The following BLTP1 variants were observed in gnomAD, a reference collection of about 807,000 sequenced individuals.
BLTP1 encodes the protein fragile site-associated protein.
the BLTP1 span, chr4:122,308,129 G>A: frequency 6.2e-7 from 1 of 1,613,282 alleles, no homozygotes. Flanking sequence ...AATGATCTGG[G>A]AATTTGCCTA....
the BLTP1 span, chr4:122,292,455 A>G: frequency 0.015 from 12,324 of 838,388 alleles, 124 homozygotes; most frequent in Non-Finnish European, 0.016. Context: ...TAAAAATCTA[A>G]GATTATTTCA....
chr4:122,191,204 A>T, the BLTP1 span, among the ~76,000 whole-genome samples: 1 of 152,156 alleles, frequency 6.6e-6, no homozygotes, highest in Non-Finnish European at 1.5e-5. Flanking sequence ...TGTGCTGCAT[A>T]CCAAAATATT....
At chr4:122,266,988 G>C in the BLTP1 span, 10 of 1,190,590 alleles carry the variant, frequency 8.4e-6, no homozygotes, top group Non-Finnish European at 5.8e-6. Flanking sequence ...GTATAATTTT[G>C]TGCAAGAATT....
At chr4:122,315,563 G>A in the BLTP1 span, 1 of 1,613,930 alleles carries the variant, frequency 6.2e-7, no homozygotes, top group Non-Finnish European at 8.5e-7. Flanking sequence ...TAATGCTCTG[G>A]GCAATACTCT....
the BLTP1 span, among the ~76,000 whole-genome samples, chr4:122,339,798 GTTACC>G: frequency 6.6e-6 from 1 of 152,126 alleles, no homozygotes; most frequent in Non-Finnish European, 1.5e-5. Flanking sequence ...GAAACATAGT[GTTACC>G]TTACAGGGAT....
chr4:122,302,869 A>G, the BLTP1 span, among the ~76,000 whole-genome samples: 126 of 152,326 alleles, frequency 8.3e-4, no homozygotes, highest in African/African-American at 2.8e-3. Context: ...CTTCAATTCT[A>G]TGAAGGCTGG....
At chr4:122,247,965 T>C in the BLTP1 span, 4 of 985,144 alleles carry the variant, frequency 4.1e-6, no homozygotes, top group Non-Finnish European at 4.8e-6. Flanking sequence ...GTATTTGAGA[T>C]GATTGCTCTG....
the BLTP1 span, chr4:122,197,154 ATAAT>A: frequency 1.2e-6 from 1 of 859,844 alleles, no homozygotes; most frequent in African/African-American, 1.8e-5. Flanking sequence ...GAGAATAATT[ATAAT>A]TAATGTTTTA....
chr4:122,254,547 T>G, the BLTP1 span: 2 of 940,414 alleles, frequency 2.1e-6, no homozygotes, highest in African/African-American at 1.8e-5. Context: ...AGTACTTTAG[T>G]TTTATTTTTA....
chr4:122,324,476 G>A, the BLTP1 span: 1 of 1,611,060 alleles, frequency 6.2e-7, no homozygotes, highest in South Asian at 1.1e-5. Context: ...CCAAGTTACA[G>A]CCGATCAAAA....
the BLTP1 span, chr4:122,189,372 G>A: frequency 3.1e-6 from 3 of 982,828 alleles, no homozygotes; most frequent in Non-Finnish European, 3.6e-6. Context: ...ATGGTTTCTG[G>A]GAAATTATTG....
chr4:122,182,893 T>C, the BLTP1 span: 2 of 985,034 alleles, frequency 2.0e-6, no homozygotes, highest in African/African-American at 1.7e-5. Flanking sequence ...TAAATACCTG[T>C]TAAAGATTTT....
At chr4:122,185,286 C>T in the BLTP1 span, 1 of 980,542 alleles carries the variant, frequency 1.0e-6, no homozygotes, top group East Asian at 1.1e-4. Flanking sequence ...TGAATTTGTT[C>T]AATAGAGATA....
the BLTP1 span, chr4:122,277,169 T>A: frequency 1.3e-6 from 1 of 751,456 alleles, no homozygotes; most frequent in Admixed American, 6.3e-5. Context: ...AGACCCTGTC[T>A]CTACAAAAAA....
chr4:122,269,209 A>G, the BLTP1 span: 5 of 364,124 alleles, frequency 1.4e-5, no homozygotes, highest in Non-Finnish European at 1.9e-5. Flanking sequence ...ATGTTTTCAT[A>G]TATATAACTA....
chr4:122,152,532 C>T, the BLTP1 span: 1 of 985,906 alleles, frequency 1.0e-6, no homozygotes, highest in African/African-American at 1.7e-5. Context: ...AGGCCCTCGG[C>T]GTTCCCCGGA....
chr4:122,153,186 C>A, the BLTP1 span: 1 of 206,228 alleles, frequency 4.8e-6, no homozygotes, highest in Non-Finnish European at 7.5e-6. Context: ...TTTTACCTTC[C>A]TGTTGGCCTT....
At chr4:122,247,250 C>A in the BLTP1 span, 1 of 1,613,426 alleles carries the variant, frequency 6.2e-7, no homozygotes, top group Non-Finnish European at 8.5e-7. Flanking sequence ...CAGCCTCAGT[C>A]ATCTGGATCT....
the BLTP1 span, chr4:122,206,137 A>G: frequency 2.3e-6 from 2 of 875,292 alleles, no homozygotes; most frequent in African/African-American, 3.6e-5. Context: ...AATATGATTG[A>G]TTATAATTCT....
Sources: gnomAD v4.1 joint callset for allele counts (sites outside exome capture counted in the v4.1 genomes callset) on GRCh38, gnomAD v4.1.1 for gene constraint, MANE v1.5 for transcripts, NCBI Gene and HGNC (gene_info 2026-07-23, HGNC 2026-07-21) for gene names.